Variants in GPM6A observed in about 807,000 individuals in gnomAD.
GPM6A encodes the protein glycoprotein M6A.
A neutral mutation model predicts 32.1 loss-of-function variants in GPM6A; 7 were observed. The observed-to-expected ratio is 0.22, with a 90% CI of 0.12 to 0.41. The LOEUF (loss-of-function observed/expected upper bound fraction) is 0.41. GPM6A is among the 10% of genes least tolerant of loss of function. The pLI, the probability that GPM6A is intolerant of heterozygous loss-of-function variation, is 1.00. For synonymous variants in GPM6A, 130 were observed against 123.4 expected, an observed-to-expected ratio of 1.05 and a Z score of -0.35; for missense variants, 235 against 347.2, an observed-to-expected ratio of 0.68 and a Z score of 2.57.
At chr4:175,872,141 G>C (rs931528055) in intron 1 of GPM6A, among the ~76,000 whole-genome samples, 4 of 152,032 alleles carry the variant, frequency 2.6e-5, no homozygotes, top group African/African-American at 9.7e-5. Context: ...ATCAATACTA[G>C]AAGTAACATG....
intron 2 of GPM6A, among the ~76,000 whole-genome samples, chr4:175,700,168 C>T: frequency 6.6e-6 from 1 of 151,848 alleles, no homozygotes; most frequent in African/African-American, 2.4e-5. Context: ...CGGCCCACAA[C>T]TCTATTCTCT....
At chr4:175,848,107 A>C (rs1209155139) in intron 1 of GPM6A, among the ~76,000 whole-genome samples, 1 of 152,200 alleles carries the variant, frequency 6.6e-6, no homozygotes, top group Admixed American at 6.5e-5. Flanking sequence ...TTAATTGGCA[A>C]AAAGCTCAGA....
intron 1 of GPM6A, among the ~76,000 whole-genome samples, chr4:175,708,399 ATTTG>A (rs1294448563): frequency 6.8e-6 from 1 of 147,740 alleles, no homozygotes; most frequent in African/African-American, 2.5e-5. Flanking sequence ...TTATTTATTT[ATTTG>A]AGATGGAGTT....
At chr4:175,796,237 G>A (rs765767959) in intron 1 of GPM6A, among the ~76,000 whole-genome samples, 1 of 152,026 alleles carries the variant, frequency 6.6e-6, no homozygotes, top group Non-Finnish European at 1.5e-5. Flanking sequence ...TTATCAATAA[G>A]AGTTATATTT....
chr4:175,712,786 T>C (rs535512992), intron 1 of GPM6A, among the ~76,000 whole-genome samples: 67 of 152,334 alleles, frequency 4.4e-4, no homozygotes, highest in African/African-American at 1.5e-3. Flanking sequence ...GAGCACCTGT[T>C]TCTTCTACAC....
chr4:175,658,237 C>A (rs1165728499), intron 3 of GPM6A, among the ~76,000 whole-genome samples: 1 of 149,830 alleles, frequency 6.7e-6, no homozygotes, highest in African/African-American at 2.5e-5. Flanking sequence ...TTAATCAGCA[C>A]TAAAAAGAAA....
upstream of GPM6A, among the ~76,000 whole-genome samples, chr4:175,814,840 A>G (rs951506158): frequency 1.3e-4 from 20 of 152,176 alleles, no homozygotes; most frequent in Non-Finnish European, 1.5e-5. Context: ...CATTTTGATC[A>G]TTTTTAAATC....
intron 1 of GPM6A, among the ~76,000 whole-genome samples, chr4:175,821,669 A>AT (rs531048520): frequency 3.1e-4 from 47 of 150,836 alleles, no homozygotes; most frequent in Non-Finnish European, 4.7e-4. Context: ...AGCTTTGCAT[A>AT]TTTTTTTTTG....
chr4:175,991,488 A>T (rs1741143777), intron 1 of GPM6A, among the ~76,000 whole-genome samples: 1 of 152,204 alleles, frequency 6.6e-6, no homozygotes, highest in Non-Finnish European at 1.5e-5. Flanking sequence ...TATACTATTT[A>T]GTAAGAAAAC....
At chr4:175,759,451 G>A (rs1204252760) in intron 1 of GPM6A, among the ~76,000 whole-genome samples, 1 of 152,058 alleles carries the variant, frequency 6.6e-6, no homozygotes. Context: ...TACATAGCTT[G>A]CTAAATAATT....
At chr4:175,640,916 T>A in intron 4 of GPM6A, 87 bp from the exon 5 acceptor site, 1 of 764,094 alleles carries the variant, frequency 1.3e-6, no homozygotes, top group Non-Finnish European at 2.3e-6. Context: ...TAATCAAATC[T>A]AAGCAAGTTC....
At chr4:175,900,036 T>C (rs939962215) in intron 1 of GPM6A, among the ~76,000 whole-genome samples, 3 of 151,866 alleles carry the variant, frequency 2.0e-5, no homozygotes, top group Non-Finnish European at 4.4e-5. Flanking sequence ...TCCCAGCACG[T>C]TGGGAGGCCG....
chr4:175,843,893 C>T (rs116669322), intron 1 of GPM6A, among the ~76,000 whole-genome samples: 174 of 152,250 alleles, frequency 1.1e-3, no homozygotes, highest in African/African-American at 3.7e-3. Flanking sequence ...CCTTGTGCTC[C>T]GTTCTCAATC....
chr4:175,768,250 G>A (rs1733052117), intron 1 of GPM6A, among the ~76,000 whole-genome samples: 1 of 152,116 alleles, frequency 6.6e-6, no homozygotes, highest in Admixed American at 6.6e-5. Flanking sequence ...AATGTTCCAA[G>A]GGATTTTTTT....
chr4:175,704,750 C>T (rs1037198263), intron 1 of GPM6A, among the ~76,000 whole-genome samples: 3 of 152,078 alleles, frequency 2.0e-5, no homozygotes, highest in East Asian at 1.9e-4. Flanking sequence ...TGCAGACAAT[C>T]AGAAGTATGA....
intron 1 of GPM6A, among the ~76,000 whole-genome samples, chr4:175,817,308 C>A (rs780025841): frequency 1.3e-5 from 2 of 152,164 alleles, no homozygotes; most frequent in East Asian, 1.9e-4. Flanking sequence ...GTATCATTAC[C>A]CCATTTCCTT....
intron 1 of GPM6A, among the ~76,000 whole-genome samples, chr4:175,778,363 G>C (rs189192536): frequency 6.6e-6 from 1 of 151,780 alleles, no homozygotes; most frequent in African/African-American, 2.4e-5. Flanking sequence ...GCCTAGGTGC[G>C]GTGGCTCATG....
chr4:175,990,643 G>GTTT (rs57270659), intron 1 of GPM6A, among the ~76,000 whole-genome samples: 111 of 142,016 alleles, frequency 7.8e-4, no homozygotes, highest in East Asian at 4.5e-3. Flanking sequence ...GGGTGAAGTA[G>GTTT]TTTTTTTTTT....
intron 2 of GPM6A, among the ~76,000 whole-genome samples, chr4:175,687,976 T>A (rs1744083087): frequency 6.6e-6 from 1 of 152,238 alleles, no homozygotes; most frequent in African/African-American, 2.4e-5. Flanking sequence ...TGGCCAATTG[T>A]AAGTCTTCTT....
Sources: allele counts gnomAD v4.1 joint callset (sites outside exome capture counted in the v4.1 genomes callset), GRCh38; gene constraint gnomAD v4.1.1; transcripts MANE v1.5; gene names NCBI Gene and HGNC (gene_info 2026-07-23, HGNC 2026-07-21).